The following MPDZ variants were observed in gnomAD, a reference collection of about 807,000 sequenced individuals.
MPDZ encodes multiple PDZ domain protein.
MPDZ carries 234 observed loss-of-function variants against 239.1 expected under a neutral mutation model. That is an observed-to-expected ratio of 0.98 (90% CI 0.88 to 1.09). The LOEUF is 1.09. Ranked by LOEUF, MPDZ falls within the 50% of genes least tolerant of loss-of-function variation. The pLI, the probability that MPDZ is intolerant of heterozygous loss-of-function variation, is 0.00. For missense variants in MPDZ, 3,175 were observed against 2,510.0 expected, an observed-to-expected ratio of 1.26 and a Z score of -5.66; for synonymous variants, 1,048 against 881.3, an observed-to-expected ratio of 1.19 and a Z score of -3.35.
chr9:13,190,586 A>C (rs954552812), intron 15 of MPDZ, among the ~76,000 whole-genome samples: 7 of 152,156 alleles, frequency 4.6e-5, no homozygotes, highest in African/African-American at 1.7e-4. Flanking sequence ...CGTGACTGTC[A>C]CTTTTTTCAT....
intron 1 of MPDZ, among the ~76,000 whole-genome samples, chr9:13,272,713 A>AG (rs1973276487): frequency 6.6e-6 from 1 of 151,582 alleles, no homozygotes; most frequent in African/African-American, 2.4e-5. Context: ...AAAAAAAAAA[A>AG]AAAAAAAAGA....
chr9:13,275,226 G>A (rs1418066927), intron 1 of MPDZ, among the ~76,000 whole-genome samples: 1 of 152,182 alleles, frequency 6.6e-6, no homozygotes, highest in Non-Finnish European at 1.5e-5. Flanking sequence ...CCTAATCCCT[G>A]TACCTCACAA....
chr9:13,217,698 C>A (rs571605385), intron 8 of MPDZ, among the ~76,000 whole-genome samples: 1 of 151,898 alleles, frequency 6.6e-6, no homozygotes, highest in East Asian at 1.9e-4. Flanking sequence ...TCTAGCTTTG[C>A]CACTTCATCT....
chr9:13,150,436 T>C, intron 25 of MPDZ, 75 bp downstream of exon 25: 5 of 1,199,374 alleles, frequency 4.2e-6, no homozygotes, highest in Non-Finnish European at 5.5e-6. Context: ...TAAAGTATAA[T>C]AATAGTAAAA....
chr9:13,125,213 T>G lies in MPDZ; in HGVS notation c.4807+3A>C. The G allele has an allele frequency of 6.3e-7, 1 of 1,587,158 alleles. No individual in the cohort carries two copies. Among genetic ancestry groups the G allele is most frequent in the South Asian group, 1.1e-5 (1 of 87,684 alleles). The stretch of plus-strand genomic sequence containing the variant: ...AGGACTCTCATGAGTCCAGAGGCCT[T>G]ACTTCGGATGGACTCCGGTTCTGGG... On this transcript the variant is annotated splice_donor_region_variant and intron_variant, in intron 35 of 46. Coordinates refer to ENST00000319217, the MANE Select transcript of MPDZ (RefSeq NM_001378778.1).
chr9:13,193,316 G>GAA lies in MPDZ; in HGVS notation c.1657-5_1657-4dup, dbSNP rs1438433662. ...CTAAACTTGCTCACATGGGCCACCT[G>GAA]AAAAGAAAAAAAAAAAGATCACCAC... On this transcript the variant is annotated splice_polypyrimidine_tract_variant and splice_region_variant and intron_variant, in intron 13 of 46. Transcript: ENST00000319217. 1 of 1,560,626 alleles carries GAA rather than the reference G, an allele frequency of 6.4e-7. No homozygotes were observed. Among genetic ancestry groups the GAA allele is most frequent in the Admixed American group, 2.0e-5 (1 of 50,508 alleles).
At chr9:13,174,011 A>G (rs1040146400) in intron 21 of MPDZ, among the ~76,000 whole-genome samples, 3 of 152,104 alleles carry the variant, frequency 2.0e-5, no homozygotes, top group Non-Finnish European at 4.4e-5. Flanking sequence ...ACCACACTTC[A>G]TCCATAACAA....
chr9:13,230,344 C>A (rs188898258), intron 3 of MPDZ, among the ~76,000 whole-genome samples: 2 of 152,216 alleles, frequency 1.3e-5, no homozygotes, highest in African/African-American at 4.8e-5. Context: ...CACACAAAAT[C>A]CATACACAAT....
chr9:13,197,251 T>C (rs915647437), intron 12 of MPDZ, among the ~76,000 whole-genome samples: 2 of 151,968 alleles, frequency 1.3e-5, no homozygotes, highest in Non-Finnish European at 2.9e-5. Flanking sequence ...GGTTAACAGA[T>C]ATAAAAGCAC....
chr9:13,274,131 CTTCTT>C (rs1194025616), intron 1 of MPDZ, among the ~76,000 whole-genome samples: 2 of 152,062 alleles, frequency 1.3e-5, no homozygotes, highest in African/African-American at 4.8e-5. Context: ...AGCTTTCCGT[CTTCTT>C]TTCACTTGTA....
chr9:13,206,205 A>G (rs768078480), intron 10 of MPDZ, 106 bp from the exon 11 acceptor site: 4 of 1,047,896 alleles, frequency 3.8e-6, no homozygotes, highest in Non-Finnish European at 5.4e-6. Flanking sequence ...AAAAGAATGG[A>G]GAATAAGTAT....
Position 13,109,935 on chromosome 9 carries a change from A to G in MPDZ, c.5942+17T>C, listed in dbSNP as rs1447509440. On this transcript the variant is annotated intron_variant, in intron 45 of 46. Coordinates refer to ENST00000319217, the MANE Select transcript of MPDZ (RefSeq NM_001378778.1). ...ATAAGTGAAAAATGATACACTAATC[A>G]TCATGTATGAACTCACCCTAAATCA... 5.7e-6 allele frequency: 9 copies of G among 1,584,504 alleles called. No homozygotes were observed. The highest frequency in any genetic ancestry group is 7.8e-6 in the Non-Finnish European group (9 of 1,156,538).
At chr9:13,208,342 G>A (rs1253188965) in intron 10 of MPDZ, among the ~76,000 whole-genome samples, 2 of 151,982 alleles carry the variant, frequency 1.3e-5, no homozygotes, top group African/African-American at 4.8e-5. Flanking sequence ...TACTCAGGAG[G>A]CTGAGTTGAG....
intron 21 of MPDZ, among the ~76,000 whole-genome samples, chr9:13,175,499 A>C (rs559901825): frequency 2.6e-5 from 4 of 152,316 alleles, no homozygotes; most frequent in East Asian, 1.9e-4. Context: ...CAATTCATAT[A>C]TCTTTTACTG....
intron 12 of MPDZ, among the ~76,000 whole-genome samples, chr9:13,202,642 AT>A (rs1956524801): frequency 6.6e-6 from 1 of 152,152 alleles, no homozygotes; most frequent in Non-Finnish European, 1.5e-5. Flanking sequence ...ACCTAGGTGG[AT>A]TTCCAGTGAA....
At chr9:13,117,523 T>C (rs1943660846) in intron 39 of MPDZ, among the ~76,000 whole-genome samples, 1 of 121,770 alleles carries the variant, frequency 8.2e-6, no homozygotes, top group Non-Finnish European at 1.8e-5. Context: ...AGAGCGGGAC[T>C]CCGTCTCAAA....
intron 1 of MPDZ, 156 bp downstream of exon 1, chr9:13,279,244 C>CATCCCT (rs1645410105): frequency 7.9e-6 from 1 of 127,380 alleles, no homozygotes; most frequent in African/African-American, 3.1e-5. Context: ...GGCCCGCCGC[C>CATCCCT]ACCCCTACCC....
At chr9:13,113,582 T>A (rs531229666) in intron 41 of MPDZ, among the ~76,000 whole-genome samples, 1 of 152,098 alleles carries the variant, frequency 6.6e-6, no homozygotes, top group East Asian at 1.9e-4. Flanking sequence ...ATTTTTGCAA[T>A]CTTCATGGAA....
intron 1 of MPDZ, among the ~76,000 whole-genome samples, chr9:13,255,084 C>G (rs567966622): frequency 6.6e-6 from 1 of 152,302 alleles, no homozygotes; most frequent in South Asian, 2.1e-4. Flanking sequence ...ATAGCCTCAA[C>G]CCTTTGTTTT....
Sources: allele counts gnomAD v4.1 joint callset (sites outside exome capture counted in the v4.1 genomes callset), GRCh38; gene constraint gnomAD v4.1.1; transcripts MANE v1.5; gene names NCBI Gene and HGNC (gene_info 2026-07-23, HGNC 2026-07-21).